The following CERS5 variants were observed in gnomAD, a reference collection of about 807,000 sequenced individuals.
The protein encoded by CERS5 is LAG1 homolog, ceramide synthase 5.
CERS5 carries 37 observed loss-of-function variants against 58.9 expected under a neutral mutation model. The observed-to-expected ratio is 0.63, with a 90% CI of 0.48 to 0.83. CERS5 has a LOEUF of 0.83. Ranked by LOEUF, CERS5 falls within the 40% of genes least tolerant of loss-of-function variation. CERS5 has a pLI of 0.00. For synonymous variants in CERS5, 147 were observed against 177.8 expected (o/e 0.83, Z 1.38); for missense variants, 398 against 489.3 (o/e 0.81, Z 1.76).
At chr12:50,166,718 G>C (rs1939939760) in intron 1 of CERS5, among the ~76,000 whole-genome samples, 1 of 152,122 alleles carries the variant, frequency 6.6e-6, no homozygotes, top group African/African-American at 2.4e-5. Flanking sequence ...GTCACAACTA[G>C]CTCTGGTTCT....
At chr12:50,133,653 G>T in intron 9 of CERS5, 1 of 985,564 alleles carries the variant, frequency 1.0e-6, no homozygotes, top group Non-Finnish European at 1.2e-6. Flanking sequence ...AGGTAGGTAA[G>T]GGGTAGGAAA....
In CERS5 at chr12:50,137,760, TA is replaced by T; in HGVS notation, c.603del (p.Met202CysfsTer14). ...YIMELAFYWS[L>X]MFSQFTDIKR... The stretch of plus-strand genomic sequence containing the variant: ...TTAATGTCTGTAAACTGAGAAAACA[TA>T]AGGGACCAATAGAAGGCCAATTCCA... On this transcript the variant is annotated frameshift_variant, in exon 6 of 10. Transcript: ENST00000317551. LOFTEE classifies it high-confidence loss of function. 1 of 1,609,296 alleles carries T rather than the reference TA, an allele frequency of 6.2e-7. No individual in the cohort carries two copies. Among genetic ancestry groups the T allele is most frequent in the Non-Finnish European group, 8.5e-7 (1 of 1,176,294 alleles).
chr12:50,134,388 C>T (rs1463497505), intron 9 of CERS5, 158 bp downstream of exon 9: 1 of 1,574,774 alleles, frequency 6.4e-7, no homozygotes, highest in Non-Finnish European at 8.6e-7. Flanking sequence ...ATAAAAAAGG[C>T]AAAACACTTA....
At chr12:50,150,065 C>T (rs973166077) in intron 1 of CERS5, among the ~76,000 whole-genome samples, 4 of 152,200 alleles carry the variant, frequency 2.6e-5, no homozygotes, top group African/African-American at 9.6e-5. Flanking sequence ...TTTATGTGTG[C>T]AGCAATATTT....
In CERS5 at chr12:50,156,437, T is replaced by TATATATATATATATATATATATATAA. The variant is rs1197474516; in HGVS notation, c.197+10663_197+10664insTTATATATATATATATATATATATAT. Among the ~76,000 whole-genome samples the TATATATATATATATATATATATATAA allele has an allele frequency of 1.7e-3, 184 of 108,796 alleles. 9 individuals are homozygous for TATATATATATATATATATATATATAA. Among genetic ancestry groups the TATATATATATATATATATATATATAA allele is most frequent in the Non-Finnish European group, 3.0e-3 (145 of 48,580 alleles). The allele number at this position is 108,796 out of a possible 152,430, so 71.4% of individuals were successfully genotyped here. A position where few individuals can be genotyped will look rare whatever the true frequency, so the allele number is the denominator to read the frequency against. The stretch of plus-strand genomic sequence containing the variant: ...CAAACAAACTATATATATATATATA[T>TATATATATATATATATATATATATAA]AAAACAATTAGTAGCCAGGTGTGGT... On this transcript the variant is annotated intron_variant, in intron 1 of 9. Transcript: ENST00000317551.
intron 1 of CERS5, among the ~76,000 whole-genome samples, chr12:50,153,383 G>A (rs1028115271): frequency 7.9e-5 from 11 of 139,048 alleles, no homozygotes; most frequent in African/African-American, 2.9e-4. Flanking sequence ...GGGTTCAAGC[G>A]ATTCTCCTGC....
In CERS5 at chr12:50,142,080, G is replaced by GA; in HGVS notation, c.464dup (p.Cys156LeufsTer5). The GA allele has an allele frequency of 6.2e-7, 1 of 1,605,656 alleles. No homozygotes were observed. Among genetic ancestry groups the GA allele is most frequent in the Non-Finnish European group, 8.5e-7 (1 of 1,173,230 alleles). ...ACCAGAGAAATCTAATTCCATAGCA[G>GA]AATATACATAAATAAAATGTGAATC... On this transcript the variant is annotated frameshift_variant, in exon 4 of 10. Transcript: ENST00000317551. LOFTEE classifies it high-confidence loss of function.
chr12:50,136,151 CTA>C, intron 6 of CERS5, 82 bp from the exon 7 acceptor site: 1 of 1,310,034 alleles, frequency 7.6e-7, no homozygotes, highest in East Asian at 2.5e-5. Flanking sequence ...GCATTATTCT[CTA>C]AGAATCTTAC....
At chr12:50,133,154 G>A in intron 9 of CERS5, 1 of 1,235,534 alleles carries the variant, frequency 8.1e-7, no homozygotes, top group South Asian at 1.4e-5. Flanking sequence ...TGAGCCAATG[G>A]CAGCTATAAG....
At chr12:50,163,704 G>A (rs926061849) in intron 1 of CERS5, among the ~76,000 whole-genome samples, 1 of 151,950 alleles carries the variant, frequency 6.6e-6, no homozygotes, top group African/African-American at 2.4e-5. Context: ...GAAGTACAGT[G>A]GTTTGATCAC....
At position 50,142,105 on chromosome 12, in the gene CERS5, C is replaced by G; in HGVS notation, c.440G>C (p.Arg147Thr). ...GAATATACATAAATAAAATGTGAAT[C>G]TCCACCTGGGTGGGCAAAGAGTAAA... Reference protein sequence around the residue: ...TLTKFCESMWRFTFYLCIFCY... With the variant: ...TLTKFCESMWTFTFYLCIFCY... The change falls in exon 4 of 10, where the codon AGA becomes ACA. Residue 147 changes from arginine to threonine, a missense_variant. Arg to Thr is a moderately conservative substitution (Grantham distance 71). Transcript: ENST00000317551. 1 of 1,603,488 alleles carries G rather than the reference C, an allele frequency of 6.2e-7. No individual in the cohort carries two copies. Among genetic ancestry groups the G allele is most frequent in the Non-Finnish European group, 8.5e-7 (1 of 1,171,536 alleles).
chr12:50,133,322 T>C (rs1951438660), intron 9 of CERS5: 1 of 1,063,526 alleles, frequency 9.4e-7, no homozygotes. Context: ...GCTTCAAAAC[T>C]TGCAAAGTTC....
At chr12:50,147,869 C>CTAA (rs1333765825) in intron 1 of CERS5, among the ~76,000 whole-genome samples, 1 of 152,102 alleles carries the variant, frequency 6.6e-6, no homozygotes, top group African/African-American at 2.4e-5. Flanking sequence ...CCTTGACTTC[C>CTAA]TAAGCTCAAG....
intron 4 of CERS5, among the ~76,000 whole-genome samples, chr12:50,138,943 G>A (rs1951830344): frequency 6.6e-6 from 1 of 152,190 alleles, no homozygotes; most frequent in Non-Finnish European, 1.5e-5. Context: ...GCCATGTTCA[G>A]AAGTCAAAAG....
chr12:50,138,545 C>T, intron 5 of CERS5, 22 bp downstream of exon 5: 2 of 1,610,366 alleles, frequency 1.2e-6, no homozygotes, highest in South Asian at 2.2e-5. Context: ...AGACCCCTAT[C>T]CTGAAACGAC....
intron 9 of CERS5, 84 bp downstream of exon 9, chr12:50,134,462 C>T (rs2138010022): frequency 6.2e-7 from 1 of 1,611,288 alleles, no homozygotes; most frequent in East Asian, 2.2e-5. Flanking sequence ...AGATGGGGCT[C>T]ACCAGGTTTG....
chr12:50,146,587 C>T (rs1166199300), intron 1 of CERS5, among the ~76,000 whole-genome samples: 3 of 152,150 alleles, frequency 2.0e-5, no homozygotes, highest in African/African-American at 7.2e-5. Flanking sequence ...CAGCCGGGCG[C>T]AGTGGCTCAC....
intron 9 of CERS5, among the ~76,000 whole-genome samples, chr12:50,134,230 T>G (rs1177052356): frequency 6.6e-6 from 1 of 151,528 alleles, no homozygotes; most frequent in Non-Finnish European, 1.5e-5. Context: ...AATAAGAAAA[T>G]TAGCCAGGCG....
chr12:50,131,834 C>T (rs969880818), intron 9 of CERS5, among the ~76,000 whole-genome samples: 3 of 152,118 alleles, frequency 2.0e-5, no homozygotes, highest in African/African-American at 7.2e-5. Flanking sequence ...CAGTGGCTTA[C>T]ACCTATAATC....
Sources: gnomAD v4.1 joint callset for allele counts (sites outside exome capture counted in the v4.1 genomes callset) on GRCh38, gnomAD v4.1.1 for gene constraint, MANE v1.5 for transcripts, NCBI Gene and HGNC (gene_info 2026-07-23, HGNC 2026-07-21) for gene names.